The following TIGIT variants were observed in gnomAD, a reference collection of about 807,000 sequenced individuals.
TIGIT encodes the protein T-cell immunoreceptor with Ig and ITIM domains.
TIGIT carries 11 observed loss-of-function variants against 19.6 expected under a neutral mutation model. The ratio of observed to expected loss-of-function variants is 0.56; its 90% confidence interval spans 0.35 to 0.93. The LOEUF is 0.93. TIGIT is among the 40% of genes least tolerant of loss of function. The pLI is 0.01. For missense variants in TIGIT, 295 were observed against 303.9 expected (o/e 0.97, Z 0.22); for synonymous variants, 130 against 125.5 (o/e 1.04, Z -0.24).
At chr3:114,295,487 GA>G (rs1442054077) in intron 1 of TIGIT, 57 bp from the exon 2 acceptor site, 44 of 1,445,520 alleles carry the variant, frequency 3.0e-5, no homozygotes, top group Non-Finnish European at 4.2e-5. Context: ...ATTTTTCTAG[GA>G]AGGTTGAAGG....
Position 114,305,864 on chromosome 3 carries a change from G to GGATGGATAGATA in TIGIT, c.499-2028_499-2027insGGATAGATAGAT, listed in dbSNP as rs762466701. 1.4e-4 allele frequency among the ~76,000 whole-genome samples: 20 copies of GGATGGATAGATA among 145,152 alleles called. No individual in the cohort carries two copies. In the East Asian group the frequency reaches 2.1e-3, roughly 15 times the overall value. On this transcript the variant is annotated intron_variant, in intron 3 of 3. Transcript: ENST00000383671. ...TGGATGGGTGGGTGGATGGATGGAT[G>GGATGGATAGATA]GATAGATAGATAGATAGATAGATAG...
chr3:114,298,104 C>A (rs1218240489), intron 2 of TIGIT, among the ~76,000 whole-genome samples: 1 of 152,188 alleles, frequency 6.6e-6, no homozygotes, highest in African/African-American at 2.4e-5. Context: ...CCAAAGTCAA[C>A]CTGGTTAATA....
chr3:114,307,173 G>A (rs1047854783), intron 3 of TIGIT, among the ~76,000 whole-genome samples: 1 of 152,134 alleles, frequency 6.6e-6, no homozygotes, highest in Non-Finnish European at 1.5e-5. Context: ...GGGCAGGAGT[G>A]GTTTGTTGGG....
rs747946258 is a variant in TIGIT at position 114,295,657 on chromosome 3, C to G, written c.174C>G (p.Asn58Lys). The stretch of plus-strand genomic sequence containing the variant: ...CCACGGCACAAGTGACCCAGGTCAA[C>G]TGGGAGCAGCAGGACCAGCTTCTGG... ...SSTTAQVTQVNWEQQDQLLAI... is the reference protein window; with the variant it reads ...SSTTAQVTQVKWEQQDQLLAI... The change falls in exon 2 of 4, where the codon AAC (asparagine) becomes AAG (lysine). Residue 58 changes from asparagine to lysine, a missense_variant. Asn to Lys is a moderately conservative substitution (Grantham distance 94, BLOSUM62 0). Transcript: ENST00000383671. 4 of 1,614,212 alleles carry G rather than the reference C, an allele frequency of 2.5e-6. No individual in the cohort carries two copies. In the Admixed American group the frequency reaches 6.7e-5, roughly 27 times the overall value.
In TIGIT at chr3:114,295,747, TCCCGGC is replaced by T; in HGVS notation, c.266_271del (p.Pro89_Gly90del). On this transcript the variant is annotated inframe_deletion, in exon 2 of 4. Transcript: ENST00000383671. ...CCTTCAAGGATCGAGTGGCCCCAGGTCCCGGCCTGGGCCTCACCCTCCAGTCGCTGA... is the reference window on the plus strand; with the variant it reads ...CCTTCAAGGATCGAGTGGCCCCAGGTCTGGGCCTCACCCTCCAGTCGCTGA... 1 of 1,614,162 alleles carries T rather than the reference TCCCGGC, an allele frequency of 6.2e-7. No homozygotes were observed.
At chr3:114,295,132 G>C (rs2078445160) in intron 1 of TIGIT, 1 of 208,650 alleles carries the variant, frequency 4.8e-6, no homozygotes, top group Non-Finnish European at 9.8e-6. Context: ...AAGGGAGGTT[G>C]AGATGGGCTG....
chr3:114,300,587 A>T (rs1035525391), intron 3 of TIGIT, among the ~76,000 whole-genome samples: 3 of 152,170 alleles, frequency 2.0e-5, no homozygotes, highest in African/African-American at 7.2e-5. Context: ...GATTTGTCTT[A>T]GTCTATTTTC....
At chr3:114,301,840 G>T (rs1301965455) in intron 3 of TIGIT, among the ~76,000 whole-genome samples, 1 of 152,170 alleles carries the variant, frequency 6.6e-6, no homozygotes, top group South Asian at 2.1e-4. Context: ...TCAGTCTTCT[G>T]TCTCTCTCTC....
chr3:114,305,864 GGATAGATAGATA>G (rs747740694), intron 3 of TIGIT, among the ~76,000 whole-genome samples: 11,446 of 145,090 alleles, frequency 0.079, 583 homozygotes, highest in Non-Finnish European at 0.12. Flanking sequence ...ATGGATGGAT[GGATAGATAGATA>G]GATAGATAGA....
Position 114,306,933 on chromosome 3 carries a change from A to C in TIGIT, c.499-962A>C, listed in dbSNP as rs545120721. Among the ~76,000 whole-genome samples the C allele has an allele frequency of 6.6e-5, 10 of 152,208 alleles. No individual in the cohort carries two copies. In the East Asian group the frequency reaches 1.7e-3, roughly 26 times the overall value. ...GACACAACTTTTGTTTTTGAAAATCACTCTGCTGGCGACCATGTGGAGTTG... is the reference window on the plus strand; with the variant it reads ...GACACAACTTTTGTTTTTGAAAATCCCTCTGCTGGCGACCATGTGGAGTTG... On this transcript the variant is annotated intron_variant, in intron 3 of 3. Coordinates refer to ENST00000383671, the MANE Select transcript of TIGIT (RefSeq NM_173799.4).
At chr3:114,305,924 G>C (rs911164354) in intron 3 of TIGIT, among the ~76,000 whole-genome samples, 3 of 151,438 alleles carry the variant, frequency 2.0e-5, no homozygotes, top group Non-Finnish European at 4.4e-5. Context: ...GGATTTGTTA[G>C]GGGAATTTGT....
chr3:114,302,408 C>T (rs1427862275), intron 3 of TIGIT, among the ~76,000 whole-genome samples: 1 of 152,170 alleles, frequency 6.6e-6, no homozygotes, highest in Non-Finnish European at 1.5e-5. Context: ...GGTTGGCTGG[C>T]TTCAGCCTTC....
intron 3 of TIGIT, among the ~76,000 whole-genome samples, chr3:114,304,565 C>A (rs945088186): frequency 1.3e-5 from 2 of 152,224 alleles, no homozygotes; most frequent in Non-Finnish European, 2.9e-5. Context: ...CAATCCATCA[C>A]CTTCAGAATT....
At position 114,307,678 on chromosome 3, in the gene TIGIT, C is replaced by T. The variant is rs776869220; in HGVS notation, c.499-217C>T. 9.0e-6 allele frequency: 5 copies of T among 554,734 alleles called. No homozygotes were observed. The East Asian group carries it at 9.2e-5, about 10-fold the overall frequency. 34.4% of individuals were successfully genotyped at this position (554,734 alleles called of 1,614,324 possible). On this transcript the variant is annotated intron_variant, in intron 3 of 3. Coordinates refer to ENST00000383671, the MANE Select transcript of TIGIT (RefSeq NM_173799.4). ...ACAGGAAGTAACAAGGTGTGTGGCA[C>T]GTGGTATATGTAGTAAGTGCAGTTT...
rs62265719 is a variant in TIGIT at position 114,305,850 on chromosome 3, G to A, written c.499-2045G>A. Among the ~76,000 whole-genome samples, 91 of 137,590 alleles carry A rather than the reference G, an allele frequency of 6.6e-4. 1 individual carries two copies. In the East Asian group the frequency reaches 9.0e-3, roughly 14 times the overall value. 90.3% of individuals were successfully genotyped at this position (137,590 alleles called of 152,430 possible). Reference sequence around the variant, plus strand: ...GATGGTTGGATGGATGGATGGGTGGGTGGATGGATGGATGGATAGATAGAT... The same window carrying A: ...GATGGTTGGATGGATGGATGGGTGGATGGATGGATGGATGGATAGATAGAT... On this transcript the variant is annotated intron_variant, in intron 3 of 3. Transcript: ENST00000383671.
intron 3 of TIGIT, among the ~76,000 whole-genome samples, chr3:114,303,608 T>C (rs1209082734): frequency 0.013 from 858 of 65,622 alleles, 61 homozygotes; most frequent in Middle Eastern, 0.027. Context: ...TATATATATA[T>C]ATACATATAT....
rs1188315977 is a variant in TIGIT, at chr3:114,309,369, C to T, written c.*1238C>T. On this transcript the variant is annotated 3_prime_UTR_variant, in exon 4 of 4. Coordinates refer to ENST00000383671, the MANE Select transcript of TIGIT (RefSeq NM_173799.4). Reference sequence around the variant, plus strand: ...ACTTTTATCCTTCCACCATCTCTCTCAGAGGAATGAGCGGGGAGGTTGGAT... The same window carrying T: ...ACTTTTATCCTTCCACCATCTCTCTTAGAGGAATGAGCGGGGAGGTTGGAT... 1 of 152,132 alleles carries T rather than the reference C, an allele frequency of 6.6e-6. No individual in the cohort carries two copies. Among genetic ancestry groups the T allele is most frequent in the African/African-American group, 2.4e-5 (1 of 41,424 alleles). 9.4% of individuals were successfully genotyped at this position (152,132 alleles called of 1,614,324 possible).
At chr3:114,300,819 C>T (rs912024776) in intron 3 of TIGIT, among the ~76,000 whole-genome samples, 25 of 152,088 alleles carry the variant, frequency 1.6e-4, no homozygotes, top group African/African-American at 5.6e-4. Flanking sequence ...ATACCTAACC[C>T]ACTCCTGAGA....
chr3:114,303,571 A>ATG (rs1391273210), intron 3 of TIGIT, among the ~76,000 whole-genome samples: 16 of 5,554 alleles, frequency 2.9e-3, no homozygotes, highest in African/African-American at 4.7e-3. Context: ...ATACATATAT[A>ATG]TGTATATATA....
Sources: gnomAD v4.1 joint callset for allele counts (sites outside exome capture counted in the v4.1 genomes callset) on GRCh38, gnomAD v4.1.1 for gene constraint, MANE v1.5 for transcripts, NCBI Gene and HGNC (gene_info 2026-07-23, HGNC 2026-07-21) for gene names.